HS6ST2: variants seen among roughly 807,000 people sequenced by gnomAD.
HS6ST2 encodes the protein heparan-sulfate 6-O-sulfotransferase 2.
HS6ST2 carries 17 observed loss-of-function variants against 33.0 expected under a neutral mutation model. The ratio of observed to expected loss-of-function variants is 0.52; its 90% CI spans 0.35 to 0.77. The LOEUF is 0.77. Among genes scored for constraint, HS6ST2 ranks in the 30% least tolerant of loss-of-function variants. HS6ST2 has a pLI of 0.01. For missense variants in HS6ST2, 519 were observed against 551.7 expected, an observed-to-expected ratio of 0.94 and a Z score of 0.59; for synonymous variants, 248 against 237.1, an observed-to-expected ratio of 1.05 and a Z score of -0.42.
At chrX:132,714,760 G>A (rs1385825048) in intron 2 of HS6ST2, among the ~76,000 whole-genome samples, 1 of 111,577 alleles carries the variant, frequency 9.0e-6, no homozygotes, top group Non-Finnish European at 1.9e-5. Context: ...AGTCAGAGTA[G>A]ATAAGTCTGT....
At chrX:132,858,985 T>C (rs917483380) in intron 2 of HS6ST2, among the ~76,000 whole-genome samples, 1 of 112,359 alleles carries the variant, frequency 8.9e-6, no homozygotes, top group African/African-American at 3.2e-5. Flanking sequence ...CAGGTGTCTT[T>C]GTACAATGCA....
At chrX:132,828,733 CACACAT>C (rs1315859131) in intron 2 of HS6ST2, among the ~76,000 whole-genome samples, 13 of 92,656 alleles carry the variant, frequency 1.4e-4, no homozygotes, top group South Asian at 4.9e-4. Flanking sequence ...CACACACACA[CACACAT>C]ACACACACAA....
At chrX:132,917,792 C>A (rs1259680837) in intron 2 of HS6ST2, among the ~76,000 whole-genome samples, 1 of 111,574 alleles carries the variant, frequency 9.0e-6, no homozygotes, top group Admixed American at 9.5e-5. Flanking sequence ...CCACGTGACC[C>A]CACAGGAGAG....
At chrX:132,824,226 T>A (rs964668673) in intron 2 of HS6ST2, among the ~76,000 whole-genome samples, 1 of 111,800 alleles carries the variant, frequency 8.9e-6, no homozygotes, top group Non-Finnish European at 1.9e-5. Flanking sequence ...GCTTCGTGTT[T>A]TTTAGTCCTG....
At chrX:132,648,284 T>A (rs1201423518) in intron 4 of HS6ST2, among the ~76,000 whole-genome samples, 1 of 111,159 alleles carries the variant, frequency 9.0e-6, no homozygotes, top group African/African-American at 3.3e-5. Context: ...TACCTGTCAT[T>A]TGCCTTGGAA....
At chrX:132,936,617 G>A (rs1397822239) in intron 2 of HS6ST2, among the ~76,000 whole-genome samples, 1 of 111,478 alleles carries the variant, frequency 9.0e-6, no homozygotes, top group Non-Finnish European at 1.9e-5. Flanking sequence ...ACCAAATATT[G>A]CATGTCCTTA....
At chrX:132,839,896 C>T (rs2065692770) in intron 2 of HS6ST2, among the ~76,000 whole-genome samples, 1 of 110,744 alleles carries the variant, frequency 9.0e-6, no homozygotes, top group Non-Finnish European at 1.9e-5. Context: ...ACACGTAAAT[C>T]ACTTGAGGTT....
intron 2 of HS6ST2, among the ~76,000 whole-genome samples, chrX:132,854,607 C>G (rs1471788020): frequency 8.9e-6 from 1 of 112,575 alleles, no homozygotes; most frequent in East Asian, 2.8e-4. Flanking sequence ...GTGGTCCTTT[C>G]CAATTTACAG....
intron 2 of HS6ST2, among the ~76,000 whole-genome samples, chrX:132,858,657 A>G (rs1172362849): frequency 3.6e-5 from 4 of 112,228 alleles, no homozygotes; most frequent in African/African-American, 1.3e-4. Context: ...GGCACAGACA[A>G]GTTTAGAAAA....
intron 2 of HS6ST2, among the ~76,000 whole-genome samples, chrX:132,889,043 G>T (rs1387524297): frequency 9.0e-6 from 1 of 110,603 alleles, no homozygotes; most frequent in African/African-American, 3.3e-5. Context: ...AATCATACAG[G>T]CAGCAAGTAG....
At chrX:132,664,418 T>C (rs1172451053) in intron 4 of HS6ST2, among the ~76,000 whole-genome samples, 1 of 112,211 alleles carries the variant, frequency 8.9e-6, no homozygotes, top group Non-Finnish European at 1.9e-5. Context: ...TGACTACTCT[T>C]ATCTGGATAC....
chrX:132,717,789 A>G lies in HS6ST2; in HGVS notation c.948-9295T>C, dbSNP rs756571523. On this transcript the variant is annotated intron_variant, in intron 2 of 4. Coordinates refer to ENST00000370833, the MANE Select transcript of HS6ST2 (RefSeq NM_001394073.1). ...CCGATGGAGGTGCTACTTTTGAAAT[A>G]TCATGACCACTTCAACAGTTTTGTG... is the stretch of plus-strand genomic sequence containing the variant. Among the ~76,000 whole-genome samples, 8 of 111,987 alleles carry G rather than the reference A, an allele frequency of 7.1e-5. No individual in the cohort carries two copies. In the East Asian group the frequency reaches 2.2e-3, roughly 31 times the overall value.
chrX:132,900,052 C>T (rs774804668), intron 2 of HS6ST2, among the ~76,000 whole-genome samples: 6 of 111,790 alleles, frequency 5.4e-5, no homozygotes, highest in African/African-American at 9.7e-5. Context: ...CAGTTATCAT[C>T]GGTACAGAGA....
intron 2 of HS6ST2, among the ~76,000 whole-genome samples, chrX:132,854,318 A>C (rs1035498682): frequency 5.3e-5 from 6 of 112,548 alleles, no homozygotes; most frequent in African/African-American, 1.9e-4. Context: ...TAACCTATTC[A>C]TGTCAATGTG....
chrX:132,755,630 A>G (rs752109571), intron 2 of HS6ST2, among the ~76,000 whole-genome samples: 1 of 111,241 alleles, frequency 9.0e-6, no homozygotes, highest in Non-Finnish European at 1.9e-5. Flanking sequence ...GCAAGGGCAG[A>G]GTTGGAAACT....
chrX:132,906,667 C>T (rs1007736856), intron 2 of HS6ST2, among the ~76,000 whole-genome samples: 3 of 110,354 alleles, frequency 2.7e-5, no homozygotes, highest in Non-Finnish European at 3.8e-5. Context: ...CTAGCAGGTC[C>T]CTCAAGAAGT....
At chrX:132,793,924 C>T (rs1276205661) in intron 2 of HS6ST2, among the ~76,000 whole-genome samples, 15 of 112,031 alleles carry the variant, frequency 1.3e-4, no homozygotes, top group East Asian at 2.8e-4. Flanking sequence ...CCCGTTTTGC[C>T]GGATTCTAGT....
chrX:132,858,676 T>C (rs1432193193), intron 2 of HS6ST2, among the ~76,000 whole-genome samples: 7 of 112,002 alleles, frequency 6.2e-5, no homozygotes, highest in Non-Finnish European at 1.3e-4. Context: ...AAAGGGATTG[T>C]TTGGCAGTGC....
intron 4 of HS6ST2, among the ~76,000 whole-genome samples, chrX:132,644,125 G>A (rs943351614): frequency 3.7e-5 from 4 of 109,046 alleles, no homozygotes; most frequent in Admixed American, 2.0e-4. Context: ...TGATATCAGT[G>A]CCTGAGAGAA....
Sources: allele counts gnomAD v4.1 joint callset (sites outside exome capture counted in the v4.1 genomes callset), GRCh38; gene constraint gnomAD v4.1.1; transcripts MANE v1.5; gene names NCBI Gene and HGNC (gene_info 2026-07-23, HGNC 2026-07-21).